OTOF: variants seen among roughly 807,000 people sequenced by gnomAD.
OTOF encodes otoferlin.
A neutral mutation model predicts 236.8 loss-of-function variants in OTOF; 218 were observed. The ratio of observed to expected loss-of-function variants is 0.92; its 90% confidence interval spans 0.82 to 1.03. The LOEUF (loss-of-function observed/expected upper bound fraction) is 1.03, where lower values mean the gene tolerates loss of function less well. Among genes scored for constraint, OTOF ranks in the 50% least tolerant of loss-of-function variants. The pLI, the probability that OTOF is intolerant of heterozygous loss-of-function variation, is 0.00. For missense variants in OTOF, 2,590 were observed against 2,694.4 expected (o/e 0.96, Z 0.86); for synonymous variants, 1,041 against 1,072.5 (o/e 0.97, Z 0.57).
At chr2:26,557,749 G>GGT (rs1667629395) in intron 1 of OTOF, among the ~76,000 whole-genome samples, 3 of 151,718 alleles carry the variant, frequency 2.0e-5, no homozygotes, top group Admixed American at 2.0e-4. Context: ...CCTGGGTGAG[G>GGT]GTGCTGCTTC....
At position 26,527,827 on chromosome 2, in the gene OTOF, C is replaced by A. The variant is rs771111477; in HGVS notation, c.227+5G>T. 1 of 1,607,840 alleles carries A rather than the reference C, an allele frequency of 6.2e-7. No individual in the cohort carries two copies. The highest frequency in any genetic ancestry group is 8.5e-7 in the Non-Finnish European group (1 of 1,174,184). On this transcript the variant is annotated splice_donor_5th_base_variant and intron_variant, in intron 3 of 46. Coordinates refer to ENST00000272371, the MANE Select transcript of OTOF (RefSeq NM_194248.3). ...CCAGCCCCTCCTGCCCCATCCCACA[C>A]TTACTTGTTGCTGAAGACTTTGCTG... is the stretch of plus-strand genomic sequence containing the variant.
At chr2:26,552,231 A>C (rs1213252320) in intron 1 of OTOF, among the ~76,000 whole-genome samples, 1 of 152,150 alleles carries the variant, frequency 6.6e-6, no homozygotes, top group Non-Finnish European at 1.5e-5. Flanking sequence ...CTCTACTAAA[A>C]ATACAAAAAT....
chr2:26,551,107 A>T (rs1667451001), intron 1 of OTOF, among the ~76,000 whole-genome samples: 1 of 152,136 alleles, frequency 6.6e-6, no homozygotes, highest in African/African-American at 2.4e-5. Flanking sequence ...CTCCTGCCTC[A>T]GCCTCCCGAG....
In OTOF at chr2:26,461,862, G is replaced by A. The variant is rs747015719; in HGVS notation, c.5367C>T (p.Phe1789=). The change falls in exon 43 of 47, where the codon TTC becomes TTT. Residue 1789 remains phenylalanine, a synonymous_variant. Transcript: ENST00000272371. The surrounding 1 kb of genome is among the most constrained non-coding windows in gnomAD (Gnocchi z 6.2). ...HYHSLTGEGN[F]NWRYLFPFDY... is the part of the protein sequence containing the mutation. ...CGAAGGGGAACAGGTAGCGCCAGTTGAAGTTGCCCTCGCCAGTGAGGGAGT... is the reference window on the plus strand; with the variant it reads ...CGAAGGGGAACAGGTAGCGCCAGTTAAAGTTGCCCTCGCCAGTGAGGGAGT... 1.2e-6 allele frequency: 2 copies of A among 1,614,056 alleles called. No homozygotes were observed. The highest frequency in any genetic ancestry group is 1.7e-6 in the Non-Finnish European group (2 of 1,180,044).
chr2:26,475,840 G>A (rs1488381508), intron 24 of OTOF, 74 bp downstream of exon 24: 3 of 1,533,654 alleles, frequency 2.0e-6, no homozygotes, highest in Non-Finnish European at 1.8e-6. Context: ...GGCCCCACAG[G>A]CTCCAGTCCC....
At chr2:26,553,830 G>A (rs752652202) in intron 1 of OTOF, among the ~76,000 whole-genome samples, 12 of 152,026 alleles carry the variant, frequency 7.9e-5, no homozygotes, top group Non-Finnish European at 1.2e-4. Flanking sequence ...GCTTACACAC[G>A]CAATCCCTCT....
chr2:26,558,641 A>G lies in OTOF; in HGVS notation c.-70T>C. The stretch of plus-strand genomic sequence containing the variant: ...GGAGCTAGCCGGTGGAGCACGGCTC[A>G]CACGCCTCTCTCTTCTCTGCCGCTG... On this transcript the variant is annotated 5_prime_UTR_variant, in exon 1 of 47. Coordinates refer to ENST00000272371, the MANE Select transcript of OTOF (RefSeq NM_194248.3). The G allele has an allele frequency of 7.7e-7, 1 of 1,296,062 alleles. No individual in the cohort carries two copies. Among genetic ancestry groups the G allele is most frequent in the East Asian group, 2.3e-5 (1 of 43,168 alleles). 80.3% of individuals were successfully genotyped at this position (1,296,062 alleles called of 1,614,324 possible). A position where few individuals can be genotyped will look rare whatever the true frequency, so the allele number is the denominator to read the frequency against.
chr2:26,484,438 G>A, intron 12 of OTOF, 36 bp downstream of exon 12: 1 of 1,612,312 alleles, frequency 6.2e-7, no homozygotes, highest in African/African-American at 1.3e-5. Context: ...GGAAGGGCTG[G>A]CTCAGACTCC....
chr2:26,517,337 CT>C (rs1666559455), intron 4 of OTOF, among the ~76,000 whole-genome samples: 1 of 152,186 alleles, frequency 6.6e-6, no homozygotes, highest in Non-Finnish European at 1.5e-5. Flanking sequence ...ACAGGCGGCC[CT>C]CACTCAGTGC....
chr2:26,492,153 T>C (rs1001017007), intron 9 of OTOF, among the ~76,000 whole-genome samples: 1 of 152,170 alleles, frequency 6.6e-6, no homozygotes, highest in African/African-American at 2.4e-5. Context: ...GGAATCATAG[T>C]AAGATAGTTT....
intron 40 of OTOF, 108 bp from the exon 41 acceptor site, chr2:26,463,679 A>G: frequency 1.0e-6 from 1 of 986,248 alleles, no homozygotes; most frequent in Non-Finnish European, 1.6e-6. Flanking sequence ...CCAGTTCATC[A>G]GTTTCCATCT....
intron 2 of OTOF, among the ~76,000 whole-genome samples, chr2:26,533,767 G>C (rs1435831965): frequency 6.6e-6 from 1 of 152,242 alleles, no homozygotes; most frequent in Admixed American, 6.5e-5. Context: ...CAGTCCTAGT[G>C]AACGTCACTG....
chr2:26,513,131 G>C (rs1666430864), intron 5 of OTOF, among the ~76,000 whole-genome samples: 1 of 152,192 alleles, frequency 6.6e-6, no homozygotes, highest in African/African-American at 2.4e-5. Context: ...GAGTCAGTGG[G>C]CGGTGGGGTT....
At chr2:26,481,080 T>C in intron 14 of OTOF, 71 bp from the exon 15 acceptor site, 1 of 1,103,712 alleles carries the variant, frequency 9.1e-7, no homozygotes, top group East Asian at 2.5e-5. Context: ...GGGCCTCTTT[T>C]GGGGGTCCCT....
Position 26,477,579 on chromosome 2 carries a change from AGCCCTGGCAGGGT to A in OTOF, c.2315+57_2315+69del. On this transcript the variant is annotated intron_variant, in intron 19 of 46. Transcript: ENST00000272371. The surrounding 1 kb of genome is among the most constrained non-coding windows in gnomAD (Gnocchi z 4.7). ...TCTGTAGATTCTTCCTCATCTGCCC[AGCCCTGGCAGGGT>A]CCCCTTTGTCCAGTTCCGCCTCATC... 1 of 1,600,776 alleles carries A rather than the reference AGCCCTGGCAGGGT, an allele frequency of 6.2e-7. No individual in the cohort carries two copies. Among genetic ancestry groups the A allele is most frequent in the Non-Finnish European group, 8.5e-7 (1 of 1,171,990 alleles).
rs774819220 is a variant in OTOF, at chr2:26,477,919, C to A, written c.2215-170G>T. The A allele has an allele frequency of 5.9e-6, 9 of 1,518,402 alleles. No individual in the cohort carries two copies. Among genetic ancestry groups the A allele is most frequent in the Non-Finnish European group, 7.9e-6 (9 of 1,132,588 alleles). 94.1% of individuals were successfully genotyped at this position (1,518,402 alleles called of 1,614,324 possible). On this transcript the variant is annotated intron_variant, in intron 18 of 46. Transcript: ENST00000272371. The surrounding 1 kb of genome is among the most constrained non-coding windows in gnomAD (Gnocchi z 4.7). ...GAGGAAGTCATCAATTTCCCAGGTT[C>A]TGTTCTCAGAACCTGGAGATGTTGG...
intron 1 of OTOF, among the ~76,000 whole-genome samples, chr2:26,551,180 T>G (rs184748033): frequency 0.019 from 2,827 of 152,200 alleles, 32 homozygotes; most frequent in Non-Finnish European, 0.027. Flanking sequence ...AGTAGAGATG[T>G]GGTTTCACCA....
At position 26,475,909 on chromosome 2, in the gene OTOF, C is replaced by T. The variant is rs758620549; in HGVS notation, c.2991+5G>A. On this transcript the variant is annotated splice_donor_5th_base_variant and intron_variant, in intron 24 of 46. Coordinates refer to ENST00000272371, the MANE Select transcript of OTOF (RefSeq NM_194248.3). ...CAGAGCCACTCCCTCCTCCCAGGCC[C>T]TCACCTCTGTGCACTGACTCTGATT... 8 of 1,602,532 alleles carry T rather than the reference C, an allele frequency of 5.0e-6. No homozygotes were observed. The Admixed American group carries it at 1.4e-4, about 27-fold the overall frequency.
chr2:26,477,118 G>T lies in OTOF; in HGVS notation c.2523+54C>A. The stretch of plus-strand genomic sequence containing the variant: ...CTGATTGAGCCCCCTGATCCTGAGG[G>T]GCCCCAGAGAGCCAGCCCTGGATGA... On this transcript the variant is annotated intron_variant, in intron 21 of 46. Coordinates refer to ENST00000272371, the MANE Select transcript of OTOF (RefSeq NM_194248.3). The surrounding 1 kb of genome is among the most constrained non-coding windows in gnomAD (Gnocchi z 4.7). 6.3e-7 allele frequency: 1 copy of T among 1,579,388 alleles called. No homozygotes were observed. Among genetic ancestry groups the T allele is most frequent in the Non-Finnish European group, 8.6e-7 (1 of 1,157,950 alleles).
Sources: gnomAD v4.1 joint callset for allele counts (sites outside exome capture counted in the v4.1 genomes callset) on GRCh38, gnomAD v4.1.1 for gene constraint, Gnocchi (gnomAD v3.1) non-coding constraint, MANE v1.5 for transcripts, NCBI Gene and HGNC (gene_info 2026-07-23, HGNC 2026-07-21) for gene names.